The following CD101 variants were observed in gnomAD, a reference collection of about 807,000 sequenced individuals.
CD101 encodes the protein CD101 molecule, also known as immunoglobulin superfamily member 2.
CD101 carries 76 observed loss-of-function variants against 98.2 expected under a neutral mutation model. That is an observed-to-expected ratio of 0.77 (90% CI 0.64 to 0.94). The LOEUF (loss-of-function observed/expected upper bound fraction) is 0.94, where lower values mean the gene tolerates loss of function less well. CD101 is among the 40% of genes least tolerant of loss of function. The pLI is 0.00. For missense variants in CD101, 1,145 were observed against 1,218.8 expected, an observed-to-expected ratio of 0.94 and a Z score of 0.90; for synonymous variants, 471 against 472.7, an observed-to-expected ratio of 1.00 and a Z score of 0.05.
rs79552405 is a variant in CD101, at chr1:117,002,050, A to G, written c.43+190A>G. On this transcript the variant is annotated intron_variant, in intron 1 of 9. Coordinates refer to ENST00000682167, the MANE Select transcript of CD101 (RefSeq NM_001256106.3). ...AGACATCCTTGAGTTCCAGGGAGTC[A>G]CAATGCTTGGTTGAGTCCCATGCAC... 4.2e-3 allele frequency among the ~76,000 whole-genome samples: 637 copies of G among 152,338 alleles called. 4 individuals carry two copies. The highest frequency in any genetic ancestry group is 0.014 in the African/African-American group (584 of 41,578).
chr1:117,020,346 C>T (rs1653504242), intron 6 of CD101, among the ~76,000 whole-genome samples: 2 of 152,126 alleles, frequency 1.3e-5, no homozygotes, highest in Non-Finnish European at 2.9e-5. Flanking sequence ...GAGTTTGAGA[C>T]CAGCCTGGCC....
intron 1 of CD101, 26 bp from the exon 2 acceptor site, chr1:117,009,824 T>A (rs1652768200): frequency 1.3e-6 from 2 of 1,566,422 alleles, no homozygotes; most frequent in Admixed American, 1.8e-5. Flanking sequence ...CTCTTTTTAT[T>A]CCCCTTTCTT....
At chr1:117,028,130 T>G (rs1175012193) in intron 8 of CD101, among the ~76,000 whole-genome samples, 1 of 150,714 alleles carries the variant, frequency 6.6e-6, no homozygotes, top group Non-Finnish European at 1.5e-5. Context: ...ATAAGTGAAT[T>G]GGAGGGGAGG....
chr1:117,029,208 GAAAGA>G (rs1366264262), intron 8 of CD101, among the ~76,000 whole-genome samples: 56 of 46,328 alleles, frequency 1.2e-3, no homozygotes, highest in African/African-American at 1.7e-3. Flanking sequence ...AGAAAGAAAA[GAAAGA>G]AAAGAAAGAA....
In CD101 at chr1:117,012,907, C is replaced by T. The variant is rs139508277; in HGVS notation, c.842-499C>T. Among the ~76,000 whole-genome samples, 592 of 152,164 alleles carry T rather than the reference C, an allele frequency of 3.9e-3. 2 individuals carry two copies. The highest frequency in any genetic ancestry group is 6.1e-3 in the Non-Finnish European group (412 of 68,002). On this transcript the variant is annotated intron_variant, in intron 3 of 9. Coordinates refer to ENST00000682167, the MANE Select transcript of CD101 (RefSeq NM_001256106.3). This position sits in a 1 kb window ranked among gnomAD's most constrained non-coding sequence, Gnocchi z 4.0. ...TATTAAAAACAGTATTATTGTGTTCCACTAAAAATTGTCCTGTTGGCCTCA... is the reference window on the plus strand; with the variant it reads ...TATTAAAAACAGTATTATTGTGTTCTACTAAAAATTGTCCTGTTGGCCTCA...
intron 8 of CD101, among the ~76,000 whole-genome samples, chr1:117,027,613 A>G (rs1654023852): frequency 6.6e-6 from 1 of 152,258 alleles, no homozygotes; most frequent in South Asian, 2.1e-4. Context: ...TCTATGGTAC[A>G]GTGGCAAGAG....
rs191414775 is a variant in CD101, at chr1:117,007,253, G to A, written c.44-2597G>A. On this transcript the variant is annotated intron_variant, in intron 1 of 9. Coordinates refer to ENST00000682167, the MANE Select transcript of CD101 (RefSeq NM_001256106.3). ...TACCCAGGTCAAGAAATAGAATATC[G>A]CCAAGACCCTAGAAGCACCCACCCA... Among the ~76,000 whole-genome samples the A allele has an allele frequency of 4.0e-5, 6 of 151,708 alleles. No individual in the cohort carries two copies. In the East Asian group the frequency reaches 9.7e-4, roughly 24 times the overall value.
At position 117,010,491 on chromosome 1, in the gene CD101, C is replaced by T. The variant is rs1402826053; in HGVS notation, c.424+261C>T. Among the ~76,000 whole-genome samples, 2 of 152,194 alleles carry T rather than the reference C, an allele frequency of 1.3e-5. No individual in the cohort carries two copies. Among genetic ancestry groups the T allele is most frequent in the Non-Finnish European group, 2.9e-5 (2 of 68,038 alleles). ...TTCCCAAGGCCTTGTCCGCAGCTCTCCATAGGTTGCTAGTAGCAACAGCAT... is the reference window on the plus strand; with the variant it reads ...TTCCCAAGGCCTTGTCCGCAGCTCTTCATAGGTTGCTAGTAGCAACAGCAT... On this transcript the variant is annotated intron_variant, in intron 2 of 9. Coordinates refer to ENST00000682167, the MANE Select transcript of CD101 (RefSeq NM_001256106.3). This position sits in a 1 kb window ranked among gnomAD's most constrained non-coding sequence, Gnocchi z 5.2.
In CD101 at chr1:117,004,543, T is replaced by C. The variant is rs1652421099; in HGVS notation, c.43+2683T>C. On this transcript the variant is annotated intron_variant, in intron 1 of 9. Coordinates refer to ENST00000682167, the MANE Select transcript of CD101 (RefSeq NM_001256106.3). This position sits in a 1 kb window ranked among gnomAD's most constrained non-coding sequence, Gnocchi z 4.1. ...GTTAGTATGTCAGTGCCAAGCTTTGTACTCATCAGCCAACAAGAATATGAG... is the reference window on the plus strand; with the variant it reads ...GTTAGTATGTCAGTGCCAAGCTTTGCACTCATCAGCCAACAAGAATATGAG... Among the ~76,000 whole-genome samples, 1 of 152,170 alleles carries C rather than the reference T, an allele frequency of 6.6e-6. No homozygotes were observed. The highest frequency in any genetic ancestry group is 1.5e-5 in the Non-Finnish European group (1 of 68,030).
intron 1 of CD101, among the ~76,000 whole-genome samples, chr1:117,007,424 T>G (rs1652600825): frequency 6.6e-6 from 1 of 152,064 alleles, no homozygotes. Context: ...CTCGGCTCAC[T>G]GCAACCTCTG....
At position 117,022,982 on chromosome 1, in the gene CD101, T is replaced by C. The variant is rs1653675958; in HGVS notation, c.2428+999T>C. 6.6e-6 allele frequency among the ~76,000 whole-genome samples: 1 copy of C among 152,192 alleles called. No homozygotes were observed. The highest frequency in any genetic ancestry group is 6.5e-5 in the Admixed American group (1 of 15,278). ...GCCTGTTTTGCTTCTTATTCTCTGC[T>C]TTCCTCAGAATTTCTTAAACACTGC... On this transcript the variant is annotated intron_variant, in intron 7 of 9. Coordinates refer to ENST00000682167, the MANE Select transcript of CD101 (RefSeq NM_001256106.3). This position sits in a 1 kb window ranked among gnomAD's most constrained non-coding sequence, Gnocchi z 4.8.
chr1:117,030,460 AAG>A (rs1425683627), intron 8 of CD101, among the ~76,000 whole-genome samples: 3 of 151,748 alleles, frequency 2.0e-5, no homozygotes, highest in Admixed American at 6.6e-5. Context: ...AAAGAAAAGA[AAG>A]AAAAAAAGAG....
chr1:117,031,046 G>A (rs142111489), intron 8 of CD101, among the ~76,000 whole-genome samples: 1 of 152,218 alleles, frequency 6.6e-6, no homozygotes, highest in African/African-American at 2.4e-5. Context: ...TTAATGGTTT[G>A]AATGTCACTA....
chr1:117,025,575 T>C lies in CD101; in HGVS notation c.2495T>C (p.Ile832Thr). 6.2e-7 allele frequency: 1 copy of C among 1,612,590 alleles called. No homozygotes were observed. The highest frequency in any genetic ancestry group is 1.7e-4 in the Middle Eastern group (1 of 6,058). ...GTGACTGAGCACAGAGAAGTGGCCA[T>C]CCGCTGCAGCCTGGAGAGTGTAGGC... ...ENVTEHREVAIRCSLESVGSS... is the reference protein window; with the variant it reads ...ENVTEHREVATRCSLESVGSS... The change falls in exon 8 of 10, where the codon ATC (isoleucine) becomes ACC (threonine). Residue 832 changes from isoleucine to threonine, a missense_variant. By Grantham distance (89) the Ile-to-Thr change is moderately conservative. Coordinates refer to ENST00000682167, the MANE Select transcript of CD101 (RefSeq NM_001256106.3).
chr1:117,014,183 CTTTG>C (rs1653063237), intron 4 of CD101, among the ~76,000 whole-genome samples: 3 of 97,782 alleles, frequency 3.1e-5, no homozygotes, highest in Non-Finnish European at 4.0e-5. Context: ...AGCCCTCTGC[CTTTG>C]TGTGTGTGTG....
At position 117,021,275 on chromosome 1, in the gene CD101, C is replaced by G. The variant is rs1275928485; in HGVS notation, c.2018-298C>G. Among the ~76,000 whole-genome samples the G allele has an allele frequency of 1.3e-5, 2 of 152,176 alleles. No homozygotes were observed. Among genetic ancestry groups the G allele is most frequent in the African/African-American group, 2.4e-5 (1 of 41,432 alleles). ...TCTGTGTGACACTCCCTCTGCCACA[C>G]CACCCCTACCAAGCACAGGTAGCAC... On this transcript the variant is annotated intron_variant, in intron 6 of 9. Transcript: ENST00000682167. This position sits in a 1 kb window ranked among gnomAD's most constrained non-coding sequence, Gnocchi z 4.7.
intron 4 of CD101, among the ~76,000 whole-genome samples, chr1:117,014,885 T>C (rs2101125604): frequency 6.6e-6 from 1 of 152,312 alleles, no homozygotes; most frequent in East Asian, 1.9e-4. Context: ...CACTAAACAT[T>C]TGGTCTGACT....
At chr1:117,020,152 C>T (rs1204870776) in intron 6 of CD101, among the ~76,000 whole-genome samples, 1 of 152,152 alleles carries the variant, frequency 6.6e-6, no homozygotes, top group African/African-American at 2.4e-5. Flanking sequence ...TCCAGGAAGT[C>T]TCCCCTCACT....
chr1:117,015,707 C>G (rs190138903), intron 4 of CD101, among the ~76,000 whole-genome samples: 7 of 152,350 alleles, frequency 4.6e-5, no homozygotes, highest in Admixed American at 4.6e-4. Context: ...TCATTAAACA[C>G]TAATGCTAGC....
Sources: allele counts gnomAD v4.1 joint callset (sites outside exome capture counted in the v4.1 genomes callset), GRCh38; gene constraint gnomAD v4.1.1; non-coding constraint Gnocchi (gnomAD v3.1); transcripts MANE v1.5; gene names NCBI Gene and HGNC (gene_info 2026-07-23, HGNC 2026-07-21).